The following ZFPM2 variants were observed in gnomAD, a reference collection of about 807,000 sequenced individuals.
ZFPM2 encodes the protein zinc finger protein ZFPM2.
A neutral mutation model predicts 98.6 loss-of-function variants in ZFPM2; 20 were observed. The observed-to-expected ratio is 0.20, with a 90% CI of 0.14 to 0.29. The LOEUF (loss-of-function observed/expected upper bound fraction) is 0.29. ZFPM2 is among the 10% of genes least tolerant of loss of function. The pLI, the probability that ZFPM2 is intolerant of heterozygous loss-of-function variation, is 1.00. For missense variants in ZFPM2, 1,310 were observed against 1,388.6 expected (o/e 0.94, Z 0.90); for synonymous variants, 518 against 502.7 (o/e 1.03, Z -0.41).
At chr8:105,625,942 T>C (rs1390503840) in intron 4 of ZFPM2, among the ~76,000 whole-genome samples, 3 of 149,270 alleles carry the variant, frequency 2.0e-5, no homozygotes, top group African/African-American at 7.4e-5. Flanking sequence ...ATTTTGTTTA[T>C]GTAGTTTAAA....
Position 105,419,107 on chromosome 8 carries a change from C to G in ZFPM2, c.41-37C>G, listed in dbSNP as rs143989431. 7 of 1,593,278 alleles carry G rather than the reference C, an allele frequency of 4.4e-6. No homozygotes were observed. The African/African-American group carries it at 9.5e-5, about 22-fold the overall frequency. On this transcript the variant is annotated intron_variant, in intron 1 of 7. Transcript: ENST00000407775. ...GGATTTTATTTCACTGTCTTCCTTG[C>G]ATATTTTTGGTACAGTTTCCCTGAT...
chr8:105,657,833 A>G (rs1817314656), intron 5 of ZFPM2, among the ~76,000 whole-genome samples: 1 of 152,194 alleles, frequency 6.6e-6, no homozygotes, highest in Non-Finnish European at 1.5e-5. Context: ...AATGATGTTC[A>G]TTTCCACCCA....
chr8:105,512,692 C>T (rs916795790), intron 3 of ZFPM2, among the ~76,000 whole-genome samples: 3 of 152,056 alleles, frequency 2.0e-5, no homozygotes, highest in Non-Finnish European at 4.4e-5. Context: ...ATTTAATATG[C>T]ATGGTTAACT....
Position 105,562,203 on chromosome 8 carries a change from G to A in ZFPM2, c.420+722G>A, listed in dbSNP as rs187652578. On this transcript the variant is annotated intron_variant, in intron 4 of 7. Transcript: ENST00000407775. ...CGGGTGCCTGTAGTCCCAGCTACTC[G>A]GGAGGCTGAGGCAGGAGAATTGCTT... 2.9e-3 allele frequency among the ~76,000 whole-genome samples: 443 copies of A among 151,930 alleles called. 7 individuals are homozygous for A. The highest frequency in any genetic ancestry group is 4.4e-3 in the Non-Finnish European group (299 of 67,950).
At chr8:105,526,971 C>G (rs1350341430) in intron 3 of ZFPM2, among the ~76,000 whole-genome samples, 4 of 152,082 alleles carry the variant, frequency 2.6e-5, no homozygotes, top group Non-Finnish European at 5.9e-5. Flanking sequence ...CTCTGTGCCT[C>G]AGTTTCTTCA....
intron 3 of ZFPM2, among the ~76,000 whole-genome samples, chr8:105,540,814 A>G (rs1280754520): frequency 1.3e-5 from 2 of 152,174 alleles, no homozygotes; most frequent in African/African-American, 4.8e-5. Context: ...GGCTGAAAGT[A>G]AGAAATCGGC....
At chr8:105,489,343 A>G (rs998631361) in intron 3 of ZFPM2, among the ~76,000 whole-genome samples, 32 of 148,760 alleles carry the variant, frequency 2.2e-4, no homozygotes, top group African/African-American at 7.6e-4. Context: ...TGTATATGTA[A>G]AACGTTATAT....
At chr8:105,673,065 G>T (rs1348262) in intron 5 of ZFPM2, among the ~76,000 whole-genome samples, 64,840 of 151,756 alleles carry the variant, frequency 0.43, 14,570 homozygotes, top group African/African-American at 0.59. Flanking sequence ...TTCTAGCTAC[G>T]ATTTCACAGA....
intron 1 of ZFPM2, among the ~76,000 whole-genome samples, chr8:105,393,610 A>T (rs747617533): frequency 3.9e-5 from 6 of 152,108 alleles, no homozygotes; most frequent in Non-Finnish European, 8.8e-5. Context: ...CAAATCAGCC[A>T]CGTTCTGTTA....
At chr8:105,769,199 C>T (rs1168823401) in intron 5 of ZFPM2, among the ~76,000 whole-genome samples, 3 of 151,870 alleles carry the variant, frequency 2.0e-5, no homozygotes, top group Non-Finnish European at 4.4e-5. Context: ...AAAGGAAACA[C>T]GATCATTTAT....
At chr8:105,655,660 T>C (rs1817271389) in intron 5 of ZFPM2, among the ~76,000 whole-genome samples, 1 of 152,178 alleles carries the variant, frequency 6.6e-6, no homozygotes, top group South Asian at 2.1e-4. Context: ...AATCATAAAA[T>C]TCACACAACC....
intron 4 of ZFPM2, among the ~76,000 whole-genome samples, chr8:105,630,729 A>G (rs1323284350): frequency 2.0e-5 from 3 of 152,190 alleles, no homozygotes. Flanking sequence ...CTTATGTAGA[A>G]AATGGAGAAA....
intron 5 of ZFPM2, chr8:105,787,537 T>A (rs1039226117): frequency 9.9e-5 from 15 of 152,234 alleles, no homozygotes; most frequent in Admixed American, 7.2e-4. Context: ...TGCCATATCA[T>A]ATACTGTTGT....
intron 3 of ZFPM2, among the ~76,000 whole-genome samples, chr8:105,551,153 T>C (rs1814842688): frequency 6.6e-6 from 1 of 152,202 alleles, no homozygotes; most frequent in Admixed American, 6.6e-5. Flanking sequence ...ATTTTTAAAG[T>C]AAATAAATAT....
At chr8:105,548,435 C>G (rs1364204750) in intron 3 of ZFPM2, among the ~76,000 whole-genome samples, 1 of 152,026 alleles carries the variant, frequency 6.6e-6, no homozygotes, top group Non-Finnish European at 1.5e-5. Context: ...GACAGAAACT[C>G]TTACCATCAG....
intron 3 of ZFPM2, among the ~76,000 whole-genome samples, chr8:105,522,701 G>A (rs1175242890): frequency 6.6e-6 from 1 of 151,892 alleles, no homozygotes; most frequent in African/African-American, 2.4e-5. Context: ...AACCCGGGAG[G>A]TGGAGGTTGT....
At chr8:105,448,123 G>A (rs80324968) in intron 3 of ZFPM2, among the ~76,000 whole-genome samples, 2,446 of 152,048 alleles carry the variant, frequency 0.016, 59 homozygotes, top group African/African-American at 0.056. Context: ...TAAGCTGGTA[G>A]GGTTCAAGCC....
At chr8:105,589,824 C>T (rs1210039328) in intron 4 of ZFPM2, among the ~76,000 whole-genome samples, 28 of 152,110 alleles carry the variant, frequency 1.8e-4, no homozygotes, top group Non-Finnish European at 7.4e-5. Context: ...CGGGTTCAAG[C>T]GATTCTCCTG....
intron 3 of ZFPM2, among the ~76,000 whole-genome samples, chr8:105,465,476 T>A (rs1812780986): frequency 6.6e-6 from 1 of 151,958 alleles, no homozygotes; most frequent in Non-Finnish European, 1.5e-5. Flanking sequence ...AAAATGAAAT[T>A]GTTTATTATT....
Sources: gnomAD v4.1 joint callset for allele counts (sites outside exome capture counted in the v4.1 genomes callset) on GRCh38, gnomAD v4.1.1 for gene constraint, MANE v1.5 for transcripts, NCBI Gene and HGNC (gene_info 2026-07-23, HGNC 2026-07-21) for gene names.